CMPK1: variants seen among roughly 807,000 people sequenced by gnomAD.
The protein encoded by CMPK1 is UMP-CMP kinase.
A neutral mutation model predicts 25.7 loss-of-function variants in CMPK1; 10 were observed. The observed-to-expected ratio is 0.39, with a 90% confidence interval of 0.24 to 0.66. The LOEUF (loss-of-function observed/expected upper bound fraction) is 0.66, where lower values mean the gene tolerates loss of function less well. Ranked by LOEUF, CMPK1 falls within the 30% of genes least tolerant of loss-of-function variation. The probability of loss-of-function intolerance (pLI) is 0.48; values close to 1 mark genes in which losing one functional copy is unlikely to be tolerated. For synonymous variants in CMPK1, 106 were observed against 101.5 expected (o/e 1.04, Z -0.27); for missense variants, 199 against 280.5 (o/e 0.71, Z 2.08).
intron 1 of CMPK1, among the ~76,000 whole-genome samples, chr1:47,339,929 A>G (rs1214030388): frequency 6.6e-6 from 1 of 151,696 alleles, no homozygotes; most frequent in African/African-American, 2.4e-5. Flanking sequence ...GCTGGTCTCA[A>G]ACTCCTGACT....
intron 1 of CMPK1, among the ~76,000 whole-genome samples, chr1:47,345,460 TA>T (rs1646475742): frequency 6.6e-6 from 1 of 151,390 alleles, no homozygotes; most frequent in African/African-American, 2.4e-5. Context: ...GAAATTAGGA[TA>T]AAAAATTAGG....
intron 1 of CMPK1, among the ~76,000 whole-genome samples, chr1:47,364,908 G>A (rs1362688918): frequency 6.6e-6 from 1 of 151,900 alleles, no homozygotes; most frequent in Non-Finnish European, 1.5e-5. Flanking sequence ...GACTACAGGT[G>A]CACATAGCCT....
chr1:47,346,206 C>T (rs763260048), intron 1 of CMPK1, among the ~76,000 whole-genome samples: 20 of 151,740 alleles, frequency 1.3e-4, no homozygotes, highest in Admixed American at 5.3e-4. Context: ...CCCGCCACCA[C>T]GCCCGGCTAA....
chr1:47,337,011 G>A (rs1385690282), intron 1 of CMPK1, among the ~76,000 whole-genome samples: 2 of 152,156 alleles, frequency 1.3e-5, no homozygotes, highest in Non-Finnish European at 2.9e-5. Context: ...AGGGCTGGGC[G>A]CAGTAGCTCA....
Position 47,368,562 on chromosome 1 carries a change from A to T in CMPK1, c.265A>T (p.Ile89Phe), listed in dbSNP as rs1008556485. The part of the protein sequence containing the change: ...SQYGELIEKY[I>F]KEGKIVPVEI... The stretch of plus-strand genomic sequence containing the variant: ...GTATGGTGAACTTATTGAAAAGTAC[A>T]TTAAAGAAGGAAAGATTGTACCAGT... The change falls in exon 2 of 6, where the codon ATT becomes TTT. Residue 89 changes from isoleucine to phenylalanine, a missense_variant. By Grantham distance (21) the Ile-to-Phe change is conservative. This residue lies in a region of CMPK1 where 140 missense variants were observed against 235.5 expected (regional missense o/e 0.59). Coordinates refer to ENST00000371873, the MANE Select transcript of CMPK1 (RefSeq NM_016308.3). The T allele has an allele frequency of 1.2e-6, 2 of 1,611,858 alleles. No homozygotes were observed. Among genetic ancestry groups the T allele is most frequent in the Non-Finnish European group, 1.7e-6 (2 of 1,178,886 alleles).
chr1:47,350,322 T>G (rs67295054), intron 1 of CMPK1, among the ~76,000 whole-genome samples: 40,716 of 151,896 alleles, frequency 0.27, 5,723 homozygotes, highest in Non-Finnish European at 0.31. Flanking sequence ...TTGAAGCCTC[T>G]ACTTTTCGGG....
At chr1:47,373,150 G>A (rs772314077) in intron 3 of CMPK1, 43 bp downstream of exon 3, 11 of 1,521,068 alleles carry the variant, frequency 7.2e-6, no homozygotes, top group South Asian at 1.3e-5. Context: ...TTAAGCAACT[G>A]TTAGTCAACT....
intron 1 of CMPK1, among the ~76,000 whole-genome samples, chr1:47,365,343 G>A (rs1646631901): frequency 6.7e-6 from 1 of 150,186 alleles, no homozygotes. Flanking sequence ...TAAGAAATGA[G>A]ATAAGTTAGG....
intron 1 of CMPK1, among the ~76,000 whole-genome samples, chr1:47,359,913 CCAGGTATTCTCTTAA>C (rs1557810318): frequency 1.3e-5 from 2 of 152,154 alleles, no homozygotes; most frequent in Admixed American, 1.3e-4. Flanking sequence ...GTGCCTTTCT[CCAGGTATTCTCTTAA>C]GAACTGAATT....
At chr1:47,343,988 A>C (rs1004817893) in intron 1 of CMPK1, among the ~76,000 whole-genome samples, 21 of 151,904 alleles carry the variant, frequency 1.4e-4, no homozygotes, top group Admixed American at 1.2e-3. Flanking sequence ...GAATCACCTG[A>C]GAAAGAGAAT....
chr1:47,337,125 A>G (rs1490637809), intron 1 of CMPK1, among the ~76,000 whole-genome samples: 1 of 152,102 alleles, frequency 6.6e-6, no homozygotes, highest in Non-Finnish European at 1.5e-5. Flanking sequence ...TCTACTAAAA[A>G]TACAAAAATT....
At chr1:47,343,968 T>C (rs1246731090) in intron 1 of CMPK1, among the ~76,000 whole-genome samples, 1 of 151,464 alleles carries the variant, frequency 6.6e-6, no homozygotes, top group Non-Finnish European at 1.5e-5. Flanking sequence ...CTTGAGAGGC[T>C]GAGGTGAGAG....
chr1:47,350,092 C>T (rs1287119125), intron 1 of CMPK1, among the ~76,000 whole-genome samples: 2 of 152,182 alleles, frequency 1.3e-5, no homozygotes, highest in Non-Finnish European at 2.9e-5. Flanking sequence ...AGGCATGAGC[C>T]ATCTTGCTCA....
chr1:47,348,647 C>T (rs957822853), intron 1 of CMPK1, among the ~76,000 whole-genome samples: 1 of 152,188 alleles, frequency 6.6e-6, no homozygotes, highest in Non-Finnish European at 1.5e-5. Context: ...AAGCTGGTTC[C>T]ATTCCCCGTT....
At position 47,372,078 on chromosome 1, in the gene CMPK1, C is replaced by T. The variant is rs147207423; in HGVS notation, c.319-877C>T. On this transcript the variant is annotated intron_variant, in intron 2 of 5. Transcript: ENST00000371873. ...TCTTCTCTGTCATCACCTTAGTTCACATCCTCTTTTTTCCTATTTTTTTTT... is the reference window on the plus strand; with the variant it reads ...TCTTCTCTGTCATCACCTTAGTTCATATCCTCTTTTTTCCTATTTTTTTTT... Among the ~76,000 whole-genome samples the T allele has an allele frequency of 5.1e-3, 781 of 151,920 alleles. 7 individuals are homozygous for T. Among genetic ancestry groups the T allele is most frequent in the African/African-American group, 0.018 (741 of 41,480 alleles).
chr1:47,373,422 T>G, intron 3 of CMPK1: 1 of 176,550 alleles, frequency 5.7e-6, no homozygotes, highest in Non-Finnish European at 1.2e-5. Flanking sequence ...GACATTATTA[T>G]CAAAGAGTAT....
intron 1 of CMPK1, among the ~76,000 whole-genome samples, chr1:47,345,472 A>AG (rs1379303296): frequency 2.0e-5 from 3 of 151,882 alleles, no homozygotes; most frequent in Admixed American, 1.3e-4. Flanking sequence ...AAAAATTAGG[A>AG]GAAAAAAAGT....
chr1:47,363,271 G>A (rs1217370911), intron 1 of CMPK1, among the ~76,000 whole-genome samples: 7 of 152,152 alleles, frequency 4.6e-5, no homozygotes, highest in Admixed American at 6.6e-5. Context: ...TTGTAAAGTC[G>A]AAAAATCCTA....
intron 5 of CMPK1, 128 bp downstream of exon 5, chr1:47,375,421 TC>T (rs1466974738): frequency 1.8e-5 from 11 of 611,998 alleles, no homozygotes; most frequent in Middle Eastern, 4.3e-4. Context: ...TGGAAGCCAG[TC>T]ATGGTGGCTC....
Sources: gnomAD v4.1 joint callset for allele counts (sites outside exome capture counted in the v4.1 genomes callset) on GRCh38, gnomAD v4.1.1 for gene constraint, gnomAD v4.1.1 regional missense constraint, MANE v1.5 for transcripts, NCBI Gene and HGNC (gene_info 2026-07-23, HGNC 2026-07-21) for gene names.